SUCLG2: variants seen among roughly 807,000 people sequenced by gnomAD.
The protein encoded by SUCLG2 is succinate--CoA ligase [GDP-forming] subunit beta, mitochondrial.
Under a neutral mutation model 47.9 loss-of-function variants are expected in SUCLG2, and 42 were observed. The observed-to-expected ratio is 0.88, with a 90% confidence interval of 0.69 to 1.14. SUCLG2 has a LOEUF of 1.14. Ranked by LOEUF, SUCLG2 falls within the 50% of genes most tolerant of loss-of-function variation. SUCLG2 has a pLI of 0.00. For missense variants in SUCLG2, 571 were observed against 525.9 expected, an observed-to-expected ratio of 1.09 and a Z score of -0.84; for synonymous variants, 195 against 197.3, an observed-to-expected ratio of 0.99 and a Z score of 0.10.
At chr3:67,397,811 C>T (rs531837545) in intron 10 of SUCLG2, among the ~76,000 whole-genome samples, 52 of 152,184 alleles carry the variant, frequency 3.4e-4, no homozygotes, top group African/African-American at 1.3e-3. Flanking sequence ...GGTACTGGTA[C>T]CAAAACAGAG....
At chr3:67,392,701 C>A (rs935422724) in intron 10 of SUCLG2, among the ~76,000 whole-genome samples, 1 of 152,134 alleles carries the variant, frequency 6.6e-6, no homozygotes, top group African/African-American at 2.4e-5. Context: ...GTAATAATAA[C>A]AATAAGAGAA....
chr3:67,538,540 G>T (rs903958001), intron 2 of SUCLG2, among the ~76,000 whole-genome samples: 15 of 152,064 alleles, frequency 9.9e-5, no homozygotes, highest in Admixed American at 3.3e-4. Flanking sequence ...TTTGTTTTAG[G>T]GGCCCTTTCC....
intron 2 of SUCLG2, among the ~76,000 whole-genome samples, chr3:67,544,231 T>C (rs1475104415): frequency 6.6e-6 from 1 of 152,148 alleles, no homozygotes; most frequent in Non-Finnish European, 1.5e-5. Flanking sequence ...CAAGTAAAGC[T>C]GAGAAGGAAA....
intron 2 of SUCLG2, among the ~76,000 whole-genome samples, chr3:67,545,553 C>CAA (rs1706841480): frequency 6.6e-6 from 1 of 152,156 alleles, no homozygotes; most frequent in Non-Finnish European, 1.5e-5. Context: ...ACAGAGGGGA[C>CAA]TTTAGATTAC....
intron 9 of SUCLG2, among the ~76,000 whole-genome samples, chr3:67,457,543 T>TA (rs1397683527): frequency 6.6e-6 from 1 of 152,116 alleles, no homozygotes; most frequent in East Asian, 1.9e-4. Context: ...CCCTCCTACT[T>TA]ACAGAAGATG....
chr3:67,482,958 AC>A (rs1386834510), intron 9 of SUCLG2, among the ~76,000 whole-genome samples: 1 of 152,210 alleles, frequency 6.6e-6, no homozygotes, highest in Non-Finnish European at 1.5e-5. Context: ...TGTCCAGAAT[AC>A]TTAGAGATAA....
intron 1 of SUCLG2, among the ~76,000 whole-genome samples, chr3:67,642,645 C>T (rs1701121151): frequency 1.3e-5 from 2 of 152,112 alleles, no homozygotes; most frequent in African/African-American, 2.4e-5. Flanking sequence ...ATAAAATGAG[C>T]TTAGCAATGG....
intron 9 of SUCLG2, among the ~76,000 whole-genome samples, chr3:67,456,786 G>A (rs1259516055): frequency 6.6e-6 from 1 of 152,134 alleles, no homozygotes; most frequent in Non-Finnish European, 1.5e-5. Context: ...CTTTCTTGAG[G>A]ATATTCAGCT....
intron 10 of SUCLG2, among the ~76,000 whole-genome samples, chr3:67,390,164 G>T (rs1702349065): frequency 6.6e-6 from 1 of 152,190 alleles, no homozygotes; most frequent in South Asian, 2.1e-4. Flanking sequence ...TCAAAACCCA[G>T]TGGCACATTT....
chr3:67,405,587 G>A (rs1702785288), intron 9 of SUCLG2, among the ~76,000 whole-genome samples: 1 of 152,112 alleles, frequency 6.6e-6, no homozygotes, highest in Non-Finnish European at 1.5e-5. Context: ...GACCTCCAAT[G>A]GCAAGTGGTA....
intron 1 of SUCLG2, among the ~76,000 whole-genome samples, chr3:67,618,515 C>T (rs1045524548): frequency 6.6e-6 from 1 of 152,158 alleles, no homozygotes; most frequent in African/African-American, 2.4e-5. Flanking sequence ...GAAGGTGAGA[C>T]AGGTTGGTTA....
intron 10 of SUCLG2, among the ~76,000 whole-genome samples, chr3:67,380,477 T>C (rs531585082): frequency 1.5e-4 from 23 of 152,194 alleles, no homozygotes; most frequent in Non-Finnish European, 2.8e-4. Flanking sequence ...TTCATAATTC[T>C]AGGATCCACA....
chr3:67,415,244 C>A (rs1055183179), intron 9 of SUCLG2, among the ~76,000 whole-genome samples: 10 of 152,100 alleles, frequency 6.6e-5, no homozygotes, highest in African/African-American at 2.2e-4. Flanking sequence ...TAAAGCTACA[C>A]AGAGAGAGAA....
chr3:67,652,503 G>A (rs2107390840), intron 1 of SUCLG2, among the ~76,000 whole-genome samples: 1 of 152,238 alleles, frequency 6.6e-6, no homozygotes, highest in South Asian at 2.1e-4. Context: ...CAGTGTACAT[G>A]AAACAGATCA....
intron 10 of SUCLG2, among the ~76,000 whole-genome samples, chr3:67,388,706 G>C (rs1702311204): frequency 6.6e-6 from 1 of 152,202 alleles, no homozygotes; most frequent in African/African-American, 2.4e-5. Flanking sequence ...GTCCCTTTAA[G>C]GGACAAAAGT....
chr3:67,418,431 T>C (rs1009344201), intron 9 of SUCLG2, among the ~76,000 whole-genome samples: 1 of 152,182 alleles, frequency 6.6e-6, no homozygotes, highest in African/African-American at 2.4e-5. Context: ...AGCTAATTAA[T>C]GGCTAGACAA....
chr3:67,563,110 C>T (rs1707352021), intron 2 of SUCLG2, among the ~76,000 whole-genome samples: 1 of 149,144 alleles, frequency 6.7e-6, no homozygotes. Context: ...ATATATAATA[C>T]ATATATACAT....
chr3:67,577,166 G>A (rs760537464), intron 2 of SUCLG2, among the ~76,000 whole-genome samples: 10 of 152,120 alleles, frequency 6.6e-5, no homozygotes, highest in Non-Finnish European at 1.2e-4. Context: ...AAAAAAATTA[G>A]ACAAGCATGG....
At chr3:67,595,525 G>T (rs961262999) in intron 2 of SUCLG2, among the ~76,000 whole-genome samples, 4 of 152,088 alleles carry the variant, frequency 2.6e-5, no homozygotes, top group African/African-American at 9.7e-5. Context: ...TGAAGAGATG[G>T]CTCTGCGTCC....
Sources: allele counts gnomAD v4.1 joint callset (sites outside exome capture counted in the v4.1 genomes callset), GRCh38; gene constraint gnomAD v4.1.1; transcripts MANE v1.5; gene names NCBI Gene and HGNC (gene_info 2026-07-23, HGNC 2026-07-21).